ABCG1: variants seen among roughly 807,000 people sequenced by gnomAD.
ABCG1 encodes ATP binding cassette subfamily G member 1.
Under a neutral mutation model 69.2 loss-of-function variants are expected in ABCG1, and 29 were observed. That is an observed-to-expected ratio of 0.42 (90% CI 0.31 to 0.57). The LOEUF is 0.57. ABCG1 is among the 20% of genes least tolerant of loss of function. The pLI, the probability that ABCG1 is intolerant of heterozygous loss-of-function variation, is 0.15. For missense variants in ABCG1, 718 were observed against 898.1 expected, an observed-to-expected ratio of 0.80 and a Z score of 2.56; for synonymous variants, 370 against 374.8, an observed-to-expected ratio of 0.99 and a Z score of 0.15.
chr21:42,256,421 A>T (rs2068306021), intron 2 of ABCG1: 1 of 1,549,144 alleles, frequency 6.5e-7, no homozygotes, highest in Non-Finnish European at 8.7e-7. Flanking sequence ...CCCTACTCAC[A>T]CCTTCCTGTC....
At chr21:42,203,479 T>A (rs116776403) in intron 2 of ABCG1, among the ~76,000 whole-genome samples, 1,549 of 152,262 alleles carry the variant, frequency 0.01, 27 homozygotes, top group African/African-American at 0.036. Context: ...GTCCAGTTTC[T>A]TTTTTTCTGC....
rs534518669 is a variant in ABCG1 at position 42,249,732 on chromosome 21, G to A, written c.287-21338G>A. Among the ~76,000 whole-genome samples the A allele has an allele frequency of 2.9e-4, 44 of 152,250 alleles. 1 individual carries two copies. The highest frequency in any genetic ancestry group is 1.5e-4 in the Non-Finnish European group (10 of 68,016). ...AAAGAAGTGAGAGGGAGGGCCAGGC[G>A]CAGTGGCTCACACCTGTAATCCCGG... On this transcript the variant is annotated intron_variant, in intron 2 of 14. Transcript: ENST00000398449.
chr21:42,203,719 G>A (rs1160731074), intron 2 of ABCG1, among the ~76,000 whole-genome samples: 5 of 152,200 alleles, frequency 3.3e-5, no homozygotes, highest in Non-Finnish European at 7.4e-5. Flanking sequence ...TTTCAAAATC[G>A]TTTCAACTAT....
At chr21:42,233,261 G>A (rs1305095223) in intron 2 of ABCG1, among the ~76,000 whole-genome samples, 1 of 152,174 alleles carries the variant, frequency 6.6e-6, no homozygotes, top group Non-Finnish European at 1.5e-5. Flanking sequence ...ACACCAGGGT[G>A]ACTTCAGGGC....
chr21:42,282,195 C>A (rs1374342395), intron 5 of ABCG1, 79 bp from the exon 6 acceptor site: 3 of 1,546,556 alleles, frequency 1.9e-6, no homozygotes, highest in Non-Finnish European at 2.6e-6. Context: ...GGGCGGCTGG[C>A]AGGTCTTCCT....
chr21:42,224,781 C>T (rs986602481), intron 1 of ABCG1, among the ~76,000 whole-genome samples: 2 of 152,150 alleles, frequency 1.3e-5, no homozygotes, highest in Non-Finnish European at 2.9e-5. Flanking sequence ...GATTTGCTCA[C>T]GGTTGCCAGG....
intron 4 of ABCG1, among the ~76,000 whole-genome samples, chr21:42,275,640 C>T (rs1006162619): frequency 1.3e-5 from 2 of 152,218 alleles, no homozygotes; most frequent in Non-Finnish European, 2.9e-5. Flanking sequence ...GCATTCTCCA[C>T]AGATGCGACT....
At chr21:42,294,392 G>A (rs957853843) in intron 13 of ABCG1, 150 bp from the exon 14 acceptor site, 12 of 691,296 alleles carry the variant, frequency 1.7e-5, no homozygotes, top group African/African-American at 3.5e-5. Context: ...CCTCGGGAAC[G>A]CTGCACCTTC....
Position 42,289,501 on chromosome 21 carries a change from G to A in ABCG1, c.1225-549G>A, listed in dbSNP as rs186767564. ...CACTGTGAATCATGAGGATTGGGAC[G>A]GGGGGTTGGACAATTCCTTATAGGG... is the stretch of plus-strand genomic sequence containing the variant. On this transcript the variant is annotated intron_variant, in intron 10 of 14. Coordinates refer to ENST00000398449, the MANE Select transcript of ABCG1 (RefSeq NM_016818.3). Among the ~76,000 whole-genome samples, 3 of 152,258 alleles carry A rather than the reference G, an allele frequency of 2.0e-5. No homozygotes were observed. In the East Asian group the frequency reaches 5.8e-4, roughly 29 times the overall value.
chr21:42,228,906 G>A (rs1446343505), intron 2 of ABCG1, among the ~76,000 whole-genome samples: 1 of 152,266 alleles, frequency 6.6e-6, no homozygotes, highest in East Asian at 1.9e-4. Flanking sequence ...CAAAAGCCAG[G>A]ACAATCAATA....
At chr21:42,290,476 T>G (rs146954207) in intron 11 of ABCG1, among the ~76,000 whole-genome samples, 5 of 152,318 alleles carry the variant, frequency 3.3e-5, no homozygotes, top group Non-Finnish European at 7.3e-5. Flanking sequence ...GGAGGGAGAT[T>G]TCTCAAAGAT....
intron 5 of ABCG1, 26 bp from the exon 6 acceptor site, chr21:42,282,248 A>T: frequency 6.2e-7 from 1 of 1,603,932 alleles, no homozygotes; most frequent in South Asian, 1.1e-5. Flanking sequence ...GGCAGCTCCC[A>T]ATGTCTCTCG....
rs756194222 is a variant in ABCG1 at position 42,288,038 on chromosome 21, G to T, written c.1122+1G>T. On this transcript the variant is annotated splice_donor_variant, in intron 9 of 14. Coordinates refer to ENST00000398449, the MANE Select transcript of ABCG1 (RefSeq NM_016818.3). LOFTEE classifies it high-confidence loss of function. The surrounding 1 kb of genome is among the most constrained non-coding windows in gnomAD (Gnocchi z 4.8). The stretch of plus-strand genomic sequence containing the variant: ...TCTTTGGCACCGGCCCTCTGAAGAG[G>T]TAAAGCAGACAAAACGATTAAAGGG... 8.7e-6 allele frequency: 14 copies of T among 1,608,758 alleles called. No individual in the cohort carries two copies. The highest frequency in any genetic ancestry group is 1.1e-5 in the Non-Finnish European group (13 of 1,176,498).
Position 42,294,673 on chromosome 21 carries a change from G to A in ABCG1, c.1772+13G>A. 1 of 1,609,494 alleles carries A rather than the reference G, an allele frequency of 6.2e-7. No homozygotes were observed. Among genetic ancestry groups the A allele is most frequent in the African/African-American group, 1.3e-5 (1 of 74,938 alleles). On this transcript the variant is annotated intron_variant, in intron 14 of 14. Coordinates refer to ENST00000398449, the MANE Select transcript of ABCG1 (RefSeq NM_016818.3). Reference sequence around the variant, plus strand: ...TCTCCTATGTCAGGTAGCGGGCGTGGGGCACGCATGGCGTGGGGACCGAGG... The same window carrying A: ...TCTCCTATGTCAGGTAGCGGGCGTGAGGCACGCATGGCGTGGGGACCGAGG...
chr21:42,288,456 C>T lies in ABCG1; in HGVS notation c.1224+144C>T, dbSNP rs1301944490. ...GGCATGGTGACTCATGTCTGTAACC[C>T]CAGCACTTTGGGAGGCCAAGGCAGG... On this transcript the variant is annotated intron_variant, in intron 10 of 14. Coordinates refer to ENST00000398449, the MANE Select transcript of ABCG1 (RefSeq NM_016818.3). This position sits in a 1 kb window ranked among gnomAD's most constrained non-coding sequence, Gnocchi z 4.8. The T allele has an allele frequency of 1.5e-6, 1 of 675,930 alleles. No homozygotes were observed. Among genetic ancestry groups the T allele is most frequent in the African/African-American group, 1.8e-5 (1 of 55,450 alleles). 41.9% of individuals were successfully genotyped at this position (675,930 alleles called of 1,614,324 possible). A position where few individuals can be genotyped will look rare whatever the true frequency, so the allele number is the denominator to read the frequency against.
chr21:42,211,277 C>T (rs1313027952), upstream of ABCG1, among the ~76,000 whole-genome samples: 1 of 152,128 alleles, frequency 6.6e-6, no homozygotes, highest in Non-Finnish European at 1.5e-5. Flanking sequence ...CCATTTCTTT[C>T]AAATGAACCA....
chr21:42,225,896 C>A lies in ABCG1; in HGVS notation c.268C>A (p.Pro90Thr), dbSNP rs775667157. The A allele has an allele frequency of 8.1e-6, 13 of 1,612,540 alleles. No homozygotes were observed. Among genetic ancestry groups the A allele is most frequent in the South Asian group, 1.1e-5 (1 of 91,018 alleles). The change falls in exon 2 of 15, where the codon CCC becomes ACC. Residue 90 changes from proline to threonine, a missense_variant. Around this residue, in one of 2 missense-constraint regions of ABCG1, gnomAD observed 514 missense variants for 574.3 expected, o/e 0.90. Coordinates refer to ENST00000398449, the MANE Select transcript of ABCG1 (RefSeq NM_016818.3). The stretch of plus-strand genomic sequence containing the variant: ...CCTTTCCTATTCGGTTCCTGAAGGA[C>A]CCTGGTGGAGGAAGAAAGGTAGGGA... ...RDLSYSVPEG[P>T]WWRKKGYKTL... is the part of the protein sequence containing the mutation.
intron 2 of ABCG1, among the ~76,000 whole-genome samples, chr21:42,255,921 G>A (rs983947568): frequency 2.6e-5 from 4 of 152,278 alleles, no homozygotes; most frequent in African/African-American, 9.6e-5. Context: ...GTAGTCTTTG[G>A]GAACTTTTGT....
chr21:42,237,120 T>C (rs934227402), intron 2 of ABCG1, among the ~76,000 whole-genome samples: 1 of 152,238 alleles, frequency 6.6e-6, no homozygotes, highest in Non-Finnish European at 1.5e-5. Context: ...GAATTTCATC[T>C]GGTTTAGAGA....
Sources: allele counts gnomAD v4.1 joint callset (sites outside exome capture counted in the v4.1 genomes callset), GRCh38; gene constraint gnomAD v4.1.1; regional missense constraint gnomAD v4.1.1; non-coding constraint Gnocchi (gnomAD v3.1); transcripts MANE v1.5; gene names NCBI Gene and HGNC (gene_info 2026-07-23, HGNC 2026-07-21).